Variants in PRH1 observed in about 807,000 individuals in gnomAD.
The protein encoded by PRH1 is proline rich protein HaeIII subfamily 1, also known as salivary acidic proline-rich phosphoprotein 1/2.
A neutral mutation model predicts 7.9 loss-of-function variants in PRH1; 7 were observed. The ratio of observed to expected loss-of-function variants is 0.89; its 90% confidence interval spans 0.50 to 1.67. PRH1 has a LOEUF of 1.67. Among genes scored for constraint, PRH1 ranks in the 40% most tolerant of loss-of-function variants. The probability of loss-of-function intolerance (pLI) is 0.00; values close to 1 mark genes in which losing one functional copy is unlikely to be tolerated. For synonymous variants in PRH1, 45 were observed against 80.8 expected (o/e 0.56, Z 2.38); for missense variants, 109 against 223.6 (o/e 0.49, Z 3.27).
chr12:10,995,442 C>T (rs1940174648), intron 1 of PRH1, among the ~76,000 whole-genome samples: 1 of 152,082 alleles, frequency 6.6e-6, no homozygotes, highest in Non-Finnish European at 1.5e-5. Flanking sequence ...AGCTGTTGAA[C>T]TAGGTTATAC....
chr12:11,137,864 A>G (rs924266878), intron 1 of PRH1, among the ~76,000 whole-genome samples: 1 of 152,150 alleles, frequency 6.6e-6, no homozygotes, highest in Non-Finnish European at 1.5e-5. Context: ...TGATGATGGC[A>G]GGTAAAAGGG....
Position 11,108,148 on chromosome 12 carries a change from T to C in PRH1, n.124-60960A>G, listed in dbSNP as rs1263062268. Among the ~76,000 whole-genome samples, 6 of 152,300 alleles carry C rather than the reference T, an allele frequency of 3.9e-5. No homozygotes were observed. The East Asian group carries it at 7.7e-4, about 20-fold the overall frequency. On this transcript the variant is annotated intron_variant and non_coding_transcript_variant, in intron 1 of 4. Transcript: ENST00000541977. ...GACCAACAAAAGCTGAGTGATTTCA[T>C]CAGCACCAGATCTGTCCTAGAAAAA...
intron 1 of PRH1, chr12:11,134,268 T>C: frequency 6.3e-7 from 1 of 1,587,708 alleles, no homozygotes. Flanking sequence ...AAAAGAAATT[T>C]TTAAAATGCT....
intron 1 of PRH1, among the ~76,000 whole-genome samples, chr12:11,042,640 T>G (rs2136128965): frequency 7.1e-6 from 1 of 140,242 alleles, no homozygotes; most frequent in Non-Finnish European, 1.5e-5. Context: ...TTTTTTTTTT[T>G]TTTTTTTGAG....
intron 1 of PRH1, among the ~76,000 whole-genome samples, chr12:11,157,547 C>T (rs1489282541): frequency 1.3e-5 from 2 of 152,160 alleles, no homozygotes; most frequent in Non-Finnish European, 1.5e-5. Flanking sequence ...TCTTATTATA[C>T]AAATGCTATT....
intron 1 of PRH1, chr12:11,091,498 G>A (rs758088518): frequency 0.26 from 240,524 of 910,464 alleles, 73,954 homozygotes; most frequent in Admixed American, 0.35. Flanking sequence ...ATATCATTAT[G>A]GACAGAAAGT....
At chr12:11,171,368 G>T in intron 1 of PRH1, 1 of 1,231,838 alleles carries the variant, frequency 8.1e-7, no homozygotes, top group Non-Finnish European at 1.0e-6. Flanking sequence ...TGGCCCCCGC[G>T]GCGGCTCCGT....
At chr12:11,048,480 A>G (rs1943001303), upstream of PRH1, 4 of 409,378 alleles carry the variant, frequency 9.8e-6, no homozygotes, top group South Asian at 1.8e-4. Flanking sequence ...GCAGGAATAC[A>G]AGTTTGCTCT....
intron 1 of PRH1, among the ~76,000 whole-genome samples, chr12:11,105,936 C>CTTTT (rs765916131): frequency 7.4e-5 from 7 of 94,954 alleles, no homozygotes; most frequent in East Asian, 2.5e-4. Flanking sequence ...ATAACTTATT[C>CTTTT]TTTTTTTTTT....
intron 1 of PRH1, among the ~76,000 whole-genome samples, chr12:11,126,436 T>C (rs148083651): frequency 2.4e-3 from 372 of 152,342 alleles, no homozygotes; most frequent in African/African-American, 8.7e-3. Context: ...TAACATTCTT[T>C]ATAAACGTCT....
At chr12:10,976,191 A>C (rs556805562) in intron 1 of PRH1, among the ~76,000 whole-genome samples, 2 of 152,280 alleles carry the variant, frequency 1.3e-5, no homozygotes, top group African/African-American at 4.8e-5. Flanking sequence ...TTCCTAGCAA[A>C]TACAAAACAA....
chr12:11,152,880 C>A (rs1356832825), intron 1 of PRH1, among the ~76,000 whole-genome samples: 2 of 152,168 alleles, frequency 1.3e-5, no homozygotes, highest in Admixed American at 6.5e-5. Flanking sequence ...TCAAGTACAG[C>A]TGCCCCTTCT....
At chr12:10,996,528 C>T (rs76094500) in intron 1 of PRH1, 2,313 of 153,178 alleles carry the variant, frequency 0.015, 59 homozygotes, top group African/African-American at 0.052. Flanking sequence ...GATTTTACAA[C>T]GAAAAACAGC....
At chr12:10,957,497 A>C (rs1938030709) in intron 2 of PRH1, among the ~76,000 whole-genome samples, 1 of 152,198 alleles carries the variant, frequency 6.6e-6, no homozygotes, top group South Asian at 2.1e-4. Flanking sequence ...CCATTCCTGC[A>C]TAGGACCTGG....
downstream of PRH1, among the ~76,000 whole-genome samples, chr12:11,119,853 A>C (rs897658875): frequency 1.3e-5 from 2 of 152,204 alleles, no homozygotes; most frequent in African/African-American, 4.8e-5. Context: ...GGAATACTGA[A>C]ATGTGGTCAC....
At chr12:11,060,409 C>A (rs1156483796) in intron 1 of PRH1, among the ~76,000 whole-genome samples, 1 of 150,068 alleles carries the variant, frequency 6.7e-6, no homozygotes, top group East Asian at 2.0e-4. Flanking sequence ...GATTTGGGTT[C>A]TGTTACCTGA....
At chr12:10,914,537 T>C (rs1449912635) in intron 2 of PRH1, among the ~76,000 whole-genome samples, 2 of 152,156 alleles carry the variant, frequency 1.3e-5, no homozygotes, top group Admixed American at 1.3e-4. Context: ...AGAAGTATCT[T>C]TTTGTGTAGG....
intron 1 of PRH1, among the ~76,000 whole-genome samples, chr12:11,085,585 C>T (rs142384420): frequency 0.028 from 2,912 of 104,092 alleles, 835 homozygotes; most frequent in South Asian, 0.044. Flanking sequence ...AATGTCAAAA[C>T]GGAAAGCACC....
At chr12:10,930,267 A>G in intron 2 of PRH1, 1 of 1,612,888 alleles carries the variant, frequency 6.2e-7, no homozygotes, top group Non-Finnish European at 8.5e-7. Flanking sequence ...CTTCTTTTCT[A>G]GATGTCAGCC....
Sources: allele counts gnomAD v4.1 joint callset (sites outside exome capture counted in the v4.1 genomes callset), GRCh38; gene constraint gnomAD v4.1.1; transcripts MANE v1.5; gene names NCBI Gene and HGNC (gene_info 2026-07-23, HGNC 2026-07-21).